The following RBFOX1 variants were observed in gnomAD, a reference collection of about 807,000 sequenced individuals.
RBFOX1 encodes RNA binding fox-1 homolog 1.
RBFOX1 carries 8 observed loss-of-function variants against 57.7 expected under a neutral mutation model. The observed-to-expected ratio is 0.14, with a 90% CI of 0.08 to 0.25. The LOEUF (loss-of-function observed/expected upper bound fraction) is 0.25. RBFOX1 is among the 10% of genes least tolerant of loss of function. The probability of loss-of-function intolerance (pLI) is 1.00; values close to 1 mark genes in which losing one functional copy is unlikely to be tolerated. For missense variants in RBFOX1, 611 were observed against 548.5 expected, an observed-to-expected ratio of 1.11 and a Z score of -1.14; for synonymous variants, 326 against 222.4, an observed-to-expected ratio of 1.47 and a Z score of -4.15.
At chr16:6,576,697 A>T (rs1176278589) in intron 2 of RBFOX1, among the ~76,000 whole-genome samples, 1 of 152,096 alleles carries the variant, frequency 6.6e-6, no homozygotes, top group East Asian at 1.9e-4. Context: ...ATGTGGAAGG[A>T]TATTTTATTT....
intron 3 of RBFOX1, among the ~76,000 whole-genome samples, chr16:6,752,694 G>T (rs977834881): frequency 6.6e-6 from 1 of 152,118 alleles, no homozygotes; most frequent in Non-Finnish European, 1.5e-5. Context: ...CTGCGTATCG[G>T]TTTCATGCAA....
chr16:7,173,251 C>T (rs1254526650), intron 4 of RBFOX1, among the ~76,000 whole-genome samples: 1 of 152,082 alleles, frequency 6.6e-6, no homozygotes, highest in Non-Finnish European at 1.5e-5. Flanking sequence ...CAAATTACGC[C>T]ACTGACTACG....
At chr16:7,623,685 G>C (rs1452111900) in intron 10 of RBFOX1, among the ~76,000 whole-genome samples, 1 of 152,182 alleles carries the variant, frequency 6.6e-6, no homozygotes, top group African/African-American at 2.4e-5. Flanking sequence ...AGGGGTTGGG[G>C]AACCCTGGCT....
intron 4 of RBFOX1, among the ~76,000 whole-genome samples, chr16:7,386,539 T>G (rs912686277): frequency 3.2e-4 from 49 of 152,042 alleles, no homozygotes; most frequent in African/African-American, 1.2e-3. Context: ...TCCATGTCCC[T>G]GCAAAGGACA....
chr16:5,293,731 A>G (rs371481686), intron 1 of RBFOX1, among the ~76,000 whole-genome samples: 2 of 141,510 alleles, frequency 1.4e-5, no homozygotes, highest in East Asian at 2.4e-4. Context: ...AAGCAGGTGA[A>G]TGGTTGCCAG....
chr16:6,946,966 A>G (rs542328991), intron 3 of RBFOX1, among the ~76,000 whole-genome samples: 4 of 152,244 alleles, frequency 2.6e-5, no homozygotes, highest in South Asian at 4.1e-4. Context: ...TTGAATGTGT[A>G]TTTGAATCCC....
rs750177791 is a variant in RBFOX1 at position 5,255,354 on chromosome 16, C to CTCCATCCATCCA, written c.219+15266_219+15277dup. Among the ~76,000 whole-genome samples the CTCCATCCATCCA allele has an allele frequency of 4.4e-3, 378 of 86,302 alleles. 3 individuals are homozygous for CTCCATCCATCCA. The highest frequency in any genetic ancestry group is 9.5e-3 in the African/African-American group (267 of 28,048). The allele number at this position is 86,302 out of a possible 152,430, so 56.6% of individuals were successfully genotyped here. On this transcript the variant is annotated intron_variant, in intron 1 of 2. Coordinates refer to the RBFOX1 transcript ENST00000585867. ...CATCCATCCATCCATCCATCCATCC[C>CTCCATCCATCCA]TCCATCCATCCATCCATCCATCCAT...
chr16:5,592,046 T>C lies in RBFOX1; in HGVS notation c.259-6856T>C, dbSNP rs144933678. Among the ~76,000 whole-genome samples, 770 of 151,648 alleles carry C rather than the reference T, an allele frequency of 5.1e-3. 6 individuals carry two copies. The highest frequency in any genetic ancestry group is 0.01 in the Middle Eastern group (3 of 294). ...TCTCCGTAAAAAATAATATATTGCCTTATTTGCATTTCTTTTATTATGGTT... is the reference window on the plus strand; with the variant it reads ...TCTCCGTAAAAAATAATATATTGCCCTATTTGCATTTCTTTTATTATGGTT... On this transcript the variant is annotated intron_variant, in intron 2 of 2. Transcript: ENST00000585867.
chr16:6,736,465 T>G (rs113006897), intron 3 of RBFOX1, among the ~76,000 whole-genome samples: 14,355 of 152,232 alleles, frequency 0.094, 884 homozygotes, highest in East Asian at 0.17. Flanking sequence ...ATCTCATCCA[T>G]GTCATTGCAA....
chr16:5,569,609 G>C (rs966829590), intron 2 of RBFOX1, among the ~76,000 whole-genome samples: 3 of 151,890 alleles, frequency 2.0e-5, no homozygotes, highest in Non-Finnish European at 2.9e-5. Context: ...GAGATTTAGA[G>C]AGAGATAAAA....
chr16:6,846,306 C>G (rs1384316332), intron 3 of RBFOX1, among the ~76,000 whole-genome samples: 1 of 152,114 alleles, frequency 6.6e-6, no homozygotes, highest in East Asian at 1.9e-4. Context: ...GAAACATGGA[C>G]ACATCACAGA....
At chr16:5,570,013 T>C (rs1369875943) in intron 2 of RBFOX1, among the ~76,000 whole-genome samples, 1 of 152,210 alleles carries the variant, frequency 6.6e-6, no homozygotes, top group East Asian at 1.9e-4. Context: ...GTTTAGACTT[T>C]ATCAGCCCTT....
chr16:7,426,332 A>C (rs143130540), intron 4 of RBFOX1, among the ~76,000 whole-genome samples: 1 of 152,228 alleles, frequency 6.6e-6, no homozygotes, highest in Non-Finnish European at 1.5e-5. Context: ...AGAGGTGATT[A>C]GAGGGGAGTT....
At chr16:7,708,906 C>A (rs1055306059) in intron 14 of RBFOX1, 150 bp from the exon 15 acceptor site, 48 of 669,762 alleles carry the variant, frequency 7.2e-5, no homozygotes, top group Non-Finnish European at 1.1e-4. Flanking sequence ...CAGATGAACT[C>A]TTCTTATACT....
chr16:6,818,850 C>G (rs1815773168), intron 3 of RBFOX1, among the ~76,000 whole-genome samples: 1 of 152,088 alleles, frequency 6.6e-6, no homozygotes, highest in Non-Finnish European at 1.5e-5. Flanking sequence ...CAACTCAGTC[C>G]AATGAGATTA....
intron 1 of RBFOX1, among the ~76,000 whole-genome samples, chr16:6,160,169 C>T (rs1348691259): frequency 6.6e-6 from 1 of 152,098 alleles, no homozygotes; most frequent in African/African-American, 2.4e-5. Context: ...TTTTCCTAAC[C>T]TTAATTAAAT....
intron 3 of RBFOX1, among the ~76,000 whole-genome samples, chr16:6,690,040 G>C (rs944398596): frequency 6.6e-6 from 1 of 152,160 alleles, no homozygotes; most frequent in East Asian, 1.9e-4. Context: ...GTAATCTTTT[G>C]AAAAGAATCC....
At chr16:6,782,672 T>C (rs1357400313) in intron 3 of RBFOX1, among the ~76,000 whole-genome samples, 1 of 152,218 alleles carries the variant, frequency 6.6e-6, no homozygotes, top group African/African-American at 2.4e-5. Context: ...GAGAATATTT[T>C]ATGTGCCCAT....
At chr16:7,322,226 A>T (rs574086888) in intron 4 of RBFOX1, among the ~76,000 whole-genome samples, 2 of 152,240 alleles carry the variant, frequency 1.3e-5, no homozygotes, top group Non-Finnish European at 2.9e-5. Flanking sequence ...GGAATGAAAG[A>T]TGTGTTTTGC....
Sources: gnomAD v4.1 joint callset for allele counts (sites outside exome capture counted in the v4.1 genomes callset) on GRCh38, gnomAD v4.1.1 for gene constraint, MANE v1.5 for transcripts, NCBI Gene and HGNC (gene_info 2026-07-23, HGNC 2026-07-21) for gene names.